Variants in ASH2L observed in about 807,000 individuals in gnomAD.
ASH2L encodes set1/Ash2 histone methyltransferase complex subunit ASH2.
Under a neutral mutation model 81.1 loss-of-function variants are expected in ASH2L, and 30 were observed. The ratio of observed to expected loss-of-function variants is 0.37; its 90% confidence interval spans 0.28 to 0.50. The LOEUF is 0.50. ASH2L is among the 20% of genes least tolerant of loss of function. The probability of loss-of-function intolerance (pLI) is 0.95; values close to 1 mark genes in which losing one functional copy is unlikely to be tolerated. For missense variants in ASH2L, 559 were observed against 792.1 expected, an observed-to-expected ratio of 0.71 and a Z score of 3.53; for synonymous variants, 273 against 279.9, an observed-to-expected ratio of 0.98 and a Z score of 0.24.
chr8:38,126,233 C>T (rs1341545283), intron 10 of ASH2L, among the ~76,000 whole-genome samples: 1 of 151,048 alleles, frequency 6.6e-6, no homozygotes, highest in Admixed American at 6.6e-5. Context: ...AAACACCAGA[C>T]AAATGTAACT....
Position 38,110,468 on chromosome 8 carries a change from G to C in ASH2L, c.490+1G>C. On this transcript the variant is annotated splice_donor_variant, in intron 4 of 15. Transcript: ENST00000343823. LOFTEE classifies it high-confidence loss of function. The stretch of plus-strand genomic sequence containing the variant: ...ACCTATTTCCTCCGGAAGCAAGCAA[G>C]TAAGAACAAACTCTGGAGTATTTGA... The C allele has an allele frequency of 6.2e-7, 1 of 1,610,454 alleles. No individual in the cohort carries two copies. The highest frequency in any genetic ancestry group is 8.5e-7 in the Non-Finnish European group (1 of 1,176,734).
intron 4 of ASH2L, 109 bp downstream of exon 4, chr8:38,110,576 G>A (rs1466117891): frequency 1.6e-6 from 2 of 1,235,872 alleles, no homozygotes; most frequent in Admixed American, 1.9e-5. Flanking sequence ...TATAAATTCA[G>A]TTGGGGTTTA....
chr8:38,133,776 G>T (rs909895918), intron 13 of ASH2L, among the ~76,000 whole-genome samples: 13 of 152,286 alleles, frequency 8.5e-5, no homozygotes, highest in African/African-American at 3.1e-4. Flanking sequence ...ACTCTGTAGA[G>T]AAAAGTGTAT....
intron 9 of ASH2L, 95 bp downstream of exon 9, chr8:38,119,458 T>G: frequency 9.5e-7 from 1 of 1,047,520 alleles, no homozygotes; most frequent in Non-Finnish European, 1.3e-6. Context: ...GGGTCGGAGG[T>G]TAAAAAGCCT....
At chr8:38,127,641 G>A (rs1383265031) in intron 10 of ASH2L, among the ~76,000 whole-genome samples, 1 of 151,092 alleles carries the variant, frequency 6.6e-6, no homozygotes, top group East Asian at 2.0e-4. Flanking sequence ...AGCTACTCAG[G>A]CTGAGGCAGG....
intron 10 of ASH2L, among the ~76,000 whole-genome samples, chr8:38,122,839 G>C (rs1801690565): frequency 6.6e-6 from 1 of 152,142 alleles, no homozygotes; most frequent in Non-Finnish European, 1.5e-5. Flanking sequence ...AACCTCCTGG[G>C]CTCAAACGAT....
At chr8:38,134,323 A>G (rs1802174036) in intron 13 of ASH2L, among the ~76,000 whole-genome samples, 1 of 152,160 alleles carries the variant, frequency 6.6e-6, no homozygotes, top group African/African-American at 2.4e-5. Context: ...ATCAATGAAA[A>G]AAAAAAAAAA....
chr8:38,124,826 A>G (rs1801769615), intron 10 of ASH2L, among the ~76,000 whole-genome samples: 1 of 152,234 alleles, frequency 6.6e-6, no homozygotes, highest in Non-Finnish European at 1.5e-5. Context: ...ACTAAGGAGG[A>G]CTTGAGGCTG....
chr8:38,106,073 T>G, intron 1 of ASH2L: 1 of 1,524,512 alleles, frequency 6.6e-7, no homozygotes, highest in Non-Finnish European at 8.8e-7. Context: ...GAAGTAACGG[T>G]CACTCTGAAA....
Position 38,112,998 on chromosome 8 carries a change from GCT to G in ASH2L, c.586-1191_586-1190del, listed in dbSNP as rs749677960. 7.1e-4 allele frequency among the ~76,000 whole-genome samples: 107 copies of G among 150,884 alleles called. 1 individual carries two copies. The highest frequency in any genetic ancestry group is 1.2e-3 in the Non-Finnish European group (80 of 67,802). On this transcript the variant is annotated intron_variant, in intron 5 of 15. Coordinates refer to ENST00000343823, the MANE Select transcript of ASH2L (RefSeq NM_004674.5). The stretch of plus-strand genomic sequence containing the variant: ...TTTTTTTTAATTGAGATGGAGTCTG[GCT>G]CTGTCACCCAGGCTAAAATGTAGTG...
At chr8:38,116,818 C>T (rs1810923115) in intron 8 of ASH2L, 93 bp downstream of exon 8, 1 of 1,032,788 alleles carries the variant, frequency 9.7e-7, no homozygotes, top group East Asian at 2.5e-5. Flanking sequence ...GACCCTTAAC[C>T]TGGATACTTA....
At chr8:38,117,808 AG>A (rs990731249) in intron 8 of ASH2L, 16 of 152,196 alleles carry the variant, frequency 1.1e-4, no homozygotes, top group African/African-American at 3.9e-4. Flanking sequence ...ATGTAATCCC[AG>A]CACTTTGGGA....
At chr8:38,114,125 G>A (rs1810798188) in intron 5 of ASH2L, 67 bp from the exon 6 acceptor site, 2 of 998,800 alleles carry the variant, frequency 2.0e-6, no homozygotes, top group Non-Finnish European at 2.9e-6. Context: ...GAAAAATGCT[G>A]TTTTCTTTCT....
At chr8:38,106,544 G>A in intron 2 of ASH2L, 100 bp downstream of exon 2, 1 of 1,027,576 alleles carries the variant, frequency 9.7e-7, no homozygotes, top group Non-Finnish European at 1.4e-6. Context: ...GCCTTGCTCT[G>A]TCGCCCAGGC....
intron 14 of ASH2L, 69 bp from the exon 15 acceptor site, chr8:38,138,747 T>G: frequency 7.3e-7 from 1 of 1,369,630 alleles, no homozygotes; most frequent in Non-Finnish European, 1.0e-6. Context: ...AAATTTCCTG[T>G]GTCAAATTAA....
intron 8 of ASH2L, among the ~76,000 whole-genome samples, chr8:38,117,287 A>G (rs1018103935): frequency 1.3e-5 from 2 of 152,106 alleles, no homozygotes; most frequent in African/African-American, 2.4e-5. Flanking sequence ...GGGATCATTA[A>G]CCTGTCTTTT....
chr8:38,134,562 GCA>G (rs896497368), intron 13 of ASH2L, among the ~76,000 whole-genome samples: 10 of 152,174 alleles, frequency 6.6e-5, no homozygotes, highest in African/African-American at 2.4e-4. Flanking sequence ...CAAGGTCATA[GCA>G]CAGTCAGAGA....
chr8:38,122,077 ATTAT>A (rs894345566), intron 10 of ASH2L, among the ~76,000 whole-genome samples: 1 of 152,108 alleles, frequency 6.6e-6, no homozygotes, highest in Non-Finnish European at 1.5e-5. Context: ...CTGTTAATTG[ATTAT>A]TTATATCAGT....
In ASH2L at chr8:38,106,147, T is replaced by G. The variant is rs74346361; in HGVS notation, c.189-231T>G. On this transcript the variant is annotated intron_variant, in intron 1 of 15. Coordinates refer to ENST00000343823, the MANE Select transcript of ASH2L (RefSeq NM_004674.5). ...GGACCAACTCTAACCCAGGTAGATT[T>G]GACTGTAAAGGCCGGTTAGGCTTCC... 513 of 1,531,442 alleles carry G rather than the reference T, an allele frequency of 3.3e-4. No homozygotes were observed. The African/African-American group carries it at 6.3e-3, about 19-fold the overall frequency. 94.9% of individuals were successfully genotyped at this position (1,531,442 alleles called of 1,614,324 possible). A position where few individuals can be genotyped will look rare whatever the true frequency, so the allele number is the denominator to read the frequency against.
Sources: gnomAD v4.1 joint callset for allele counts (sites outside exome capture counted in the v4.1 genomes callset) on GRCh38, gnomAD v4.1.1 for gene constraint, MANE v1.5 for transcripts, NCBI Gene and HGNC (gene_info 2026-07-23, HGNC 2026-07-21) for gene names.